The following HS6ST3 variants were observed in gnomAD, a reference collection of about 807,000 sequenced individuals.
HS6ST3 encodes heparan-sulfate 6-O-sulfotransferase 3.
HS6ST3 carries 12 observed loss-of-function variants against 36.7 expected under a neutral mutation model. The ratio of observed to expected loss-of-function variants is 0.33; its 90% CI spans 0.21 to 0.53. The LOEUF (loss-of-function observed/expected upper bound fraction) is 0.53. Among genes scored for constraint, HS6ST3 ranks in the 20% least tolerant of loss-of-function variants. The pLI is 0.95. For missense variants in HS6ST3, 584 were observed against 640.9 expected (o/e 0.91, Z 0.96); for synonymous variants, 240 against 257.5 (o/e 0.93, Z 0.65).
At chr13:96,268,675 CT>C (rs1407982329) in intron 1 of HS6ST3, among the ~76,000 whole-genome samples, 13 of 151,948 alleles carry the variant, frequency 8.6e-5, no homozygotes, top group Non-Finnish European at 1.6e-4. Flanking sequence ...ATAACTCTTA[CT>C]GGATATAGAT....
intron 1 of HS6ST3, among the ~76,000 whole-genome samples, chr13:96,259,462 G>A (rs1246795335): frequency 6.6e-6 from 1 of 152,122 alleles, no homozygotes; most frequent in African/African-American, 2.4e-5. Flanking sequence ...AAAAATGCTA[G>A]GATACAAGAA....
chr13:96,670,737 A>G (rs778337060), intron 1 of HS6ST3, among the ~76,000 whole-genome samples: 8 of 152,154 alleles, frequency 5.3e-5, no homozygotes, highest in Non-Finnish European at 1.2e-4. Flanking sequence ...ATTTCCTGGA[A>G]TGAAATATTT....
intron 1 of HS6ST3, among the ~76,000 whole-genome samples, chr13:96,367,653 A>G (rs1455607992): frequency 6.6e-6 from 1 of 152,202 alleles, no homozygotes; most frequent in Non-Finnish European, 1.5e-5. Context: ...TTAACCTTGA[A>G]GCTCTTTGCA....
At position 96,750,460 on chromosome 13, in the gene HS6ST3, G is replaced by A. The variant is rs80051685; in HGVS notation, c.708-82030G>A. Among the ~76,000 whole-genome samples, 914 of 152,314 alleles carry A rather than the reference G, an allele frequency of 6.0e-3. 13 individuals are homozygous for A. Among genetic ancestry groups the A allele is most frequent in the African/African-American group, 0.021 (857 of 41,564 alleles). On this transcript the variant is annotated intron_variant, in intron 1 of 1. Transcript: ENST00000376705. Reference sequence around the variant, plus strand: ...CATGCCTCTGTATTTGTAGTGAAGCGAAGATAAAGGCATAAGCCATATACC... The same window carrying A: ...CATGCCTCTGTATTTGTAGTGAAGCAAAGATAAAGGCATAAGCCATATACC...
intron 1 of HS6ST3, among the ~76,000 whole-genome samples, chr13:96,536,873 G>T (rs534472703): frequency 6.6e-6 from 1 of 152,200 alleles, no homozygotes; most frequent in African/African-American, 2.4e-5. Flanking sequence ...CCACTTTTTT[G>T]GGGGGGATTG....
At chr13:96,424,142 G>A (rs901509098) in intron 1 of HS6ST3, among the ~76,000 whole-genome samples, 1 of 151,934 alleles carries the variant, frequency 6.6e-6, no homozygotes, top group African/African-American at 2.4e-5. Flanking sequence ...TTAGAGATAA[G>A]TTTTTTTTGC....
chr13:96,098,543 A>C (rs2053802521), intron 1 of HS6ST3, among the ~76,000 whole-genome samples: 1 of 152,190 alleles, frequency 6.6e-6, no homozygotes, highest in Non-Finnish European at 1.5e-5. Context: ...GACCCTGGCC[A>C]GGCATGGTGG....
At chr13:96,770,185 A>C (rs1482030135) in intron 1 of HS6ST3, among the ~76,000 whole-genome samples, 1 of 152,240 alleles carries the variant, frequency 6.6e-6, no homozygotes, top group Non-Finnish European at 1.5e-5. Flanking sequence ...TAAATTGTCC[A>C]GAACTATGTG....
At chr13:96,718,677 T>C (rs1875766547) in intron 1 of HS6ST3, among the ~76,000 whole-genome samples, 1 of 152,204 alleles carries the variant, frequency 6.6e-6, no homozygotes, top group Non-Finnish European at 1.5e-5. Flanking sequence ...TCATGAATAA[T>C]TGAATAATGA....
At chr13:96,353,682 GA>G (rs1370015646) in intron 1 of HS6ST3, among the ~76,000 whole-genome samples, 4 of 151,782 alleles carry the variant, frequency 2.6e-5, no homozygotes, top group African/African-American at 9.7e-5. Context: ...ACAAACTAGG[GA>G]AAAACATATA....
chr13:96,287,673 A>G (rs978895474), intron 1 of HS6ST3, among the ~76,000 whole-genome samples: 1 of 152,178 alleles, frequency 6.6e-6, no homozygotes, highest in Non-Finnish European at 1.5e-5. Context: ...TCTTCTTGCT[A>G]TTAACTTAGT....
chr13:96,549,428 G>A (rs76557252), intron 1 of HS6ST3, among the ~76,000 whole-genome samples: 1 of 152,126 alleles, frequency 6.6e-6, no homozygotes, highest in South Asian at 2.1e-4. Context: ...CAGTAGATTG[G>A]AATATTAAAT....
At chr13:96,103,279 T>G (rs1056481704) in intron 1 of HS6ST3, among the ~76,000 whole-genome samples, 1 of 152,084 alleles carries the variant, frequency 6.6e-6, no homozygotes. Context: ...TTTGGCAGAG[T>G]GGTATCCAGA....
intron 1 of HS6ST3, among the ~76,000 whole-genome samples, chr13:96,640,073 G>A (rs113802111): frequency 6.6e-6 from 1 of 151,810 alleles, no homozygotes; most frequent in African/African-American, 2.4e-5. Flanking sequence ...GTGGGTGGGG[G>A]GGTATATACT....
intron 1 of HS6ST3, among the ~76,000 whole-genome samples, chr13:96,271,875 A>T (rs139828752): frequency 6.6e-6 from 1 of 152,020 alleles, no homozygotes; most frequent in Non-Finnish European, 1.5e-5. Flanking sequence ...CATCCTAAAG[A>T]CTTGTTTCAG....
At chr13:96,567,214 T>C (rs2056284583) in intron 1 of HS6ST3, among the ~76,000 whole-genome samples, 1 of 152,050 alleles carries the variant, frequency 6.6e-6, no homozygotes, top group African/African-American at 2.4e-5. Flanking sequence ...CACCCACAAG[T>C]CTTAAATTAA....
At chr13:96,626,728 A>G (rs1328428939) in intron 1 of HS6ST3, among the ~76,000 whole-genome samples, 1 of 152,100 alleles carries the variant, frequency 6.6e-6, no homozygotes, top group South Asian at 2.1e-4. Flanking sequence ...GTTTTTTTGT[A>G]GACTTTACTG....
intron 1 of HS6ST3, among the ~76,000 whole-genome samples, chr13:96,657,770 G>A (rs543430090): frequency 2.0e-5 from 3 of 152,212 alleles, no homozygotes; most frequent in African/African-American, 4.8e-5. Context: ...AGGGAGAGGG[G>A]ATGGAAGATT....
chr13:96,805,248 C>G (rs1878169907), intron 1 of HS6ST3, among the ~76,000 whole-genome samples: 1 of 152,098 alleles, frequency 6.6e-6, no homozygotes, highest in Admixed American at 6.6e-5. Flanking sequence ...TGGAGATGGA[C>G]TTCCCCCTTG....
Sources: allele counts gnomAD v4.1 joint callset (sites outside exome capture counted in the v4.1 genomes callset), GRCh38; gene constraint gnomAD v4.1.1; transcripts MANE v1.5; gene names NCBI Gene and HGNC (gene_info 2026-07-23, HGNC 2026-07-21).